MYO6: variants seen among roughly 807,000 people sequenced by gnomAD.
MYO6 encodes the protein unconventional myosin-VI.
Under a neutral mutation model 178.7 loss-of-function variants are expected in MYO6, and 74 were observed. The ratio of observed to expected loss-of-function variants is 0.41; its 90% CI spans 0.34 to 0.50. The LOEUF is 0.50. Among genes scored for constraint, MYO6 ranks in the 20% least tolerant of loss-of-function variants. The probability of loss-of-function intolerance (pLI) is 0.09; values close to 1 mark genes in which losing one functional copy is unlikely to be tolerated. For missense variants in MYO6, 1,330 were observed against 1,547.4 expected (o/e 0.86, Z 2.36); for synonymous variants, 477 against 504.6 (o/e 0.95, Z 0.73).
chr6:75,833,424 A>G (rs1001140086), intron 6 of MYO6, among the ~76,000 whole-genome samples: 6 of 152,204 alleles, frequency 3.9e-5, no homozygotes, highest in South Asian at 2.1e-4. Context: ...CAGAACTTTC[A>G]TCTTGGAAAA....
intron 11 of MYO6, among the ~76,000 whole-genome samples, chr6:75,849,806 G>C (rs1322905506): frequency 6.6e-6 from 1 of 152,126 alleles, no homozygotes; most frequent in Admixed American, 6.5e-5. Context: ...TAGATTTTGA[G>C]GAAAACCGGA....
intron 1 of MYO6, among the ~76,000 whole-genome samples, chr6:75,776,185 A>C (rs1766367552): frequency 6.6e-6 from 1 of 152,166 alleles, no homozygotes; most frequent in Non-Finnish European, 1.5e-5. Flanking sequence ...CCCTGTTAGA[A>C]TAGATGCTCC....
chr6:75,756,945 A>G (rs1374934384), intron 1 of MYO6, among the ~76,000 whole-genome samples: 1 of 137,894 alleles, frequency 7.3e-6, no homozygotes, highest in Non-Finnish European at 1.6e-5. Context: ...TAGTGTGTAT[A>G]TATGTGTATA....
intron 9 of MYO6, among the ~76,000 whole-genome samples, chr6:75,843,636 T>G (rs1312152318): frequency 6.6e-6 from 1 of 152,180 alleles, no homozygotes; most frequent in Non-Finnish European, 1.5e-5. Flanking sequence ...ATTTTGGCTC[T>G]ACATGTTTAA....
At chr6:75,889,168 G>A (rs1778702086) in intron 25 of MYO6, among the ~76,000 whole-genome samples, 1 of 152,062 alleles carries the variant, frequency 6.6e-6, no homozygotes, top group Admixed American at 6.5e-5. Context: ...AAAAAGATCT[G>A]GAGGAAAATG....
At chr6:75,765,334 G>A (rs1035992722) in intron 1 of MYO6, among the ~76,000 whole-genome samples, 9 of 151,196 alleles carry the variant, frequency 6.0e-5, no homozygotes, top group African/African-American at 9.7e-5. Context: ...ACACTACCAC[G>A]CCTGGCTAAT....
At chr6:75,851,434 T>C (rs1562246978) in intron 11 of MYO6, among the ~76,000 whole-genome samples, 2 of 152,126 alleles carry the variant, frequency 1.3e-5, no homozygotes, top group Non-Finnish European at 2.9e-5. Context: ...TAGATCCAAA[T>C]GGTTTCTTTC....
chr6:75,898,509 C>G, intron 30 of MYO6, 98 bp downstream of exon 30: 1 of 957,330 alleles, frequency 1.0e-6, no homozygotes, highest in South Asian at 1.4e-5. Flanking sequence ...ACATGAGTAG[C>G]CTAGTCTTTC....
intron 25 of MYO6, among the ~76,000 whole-genome samples, chr6:75,889,070 G>A (rs940823270): frequency 3.3e-5 from 5 of 151,908 alleles, no homozygotes; most frequent in Non-Finnish European, 7.4e-5. Context: ...CAAGTATGTG[G>A]GATATAATGA....
At chr6:75,770,011 CA>C (rs1277017585) in intron 1 of MYO6, among the ~76,000 whole-genome samples, 3 of 151,986 alleles carry the variant, frequency 2.0e-5, no homozygotes, top group African/African-American at 4.8e-5. Flanking sequence ...GCCCCCTTCT[CA>C]CAGCTCCAGT....
intron 20 of MYO6, among the ~76,000 whole-genome samples, chr6:75,878,773 T>G (rs1452404397): frequency 6.6e-6 from 1 of 152,216 alleles, no homozygotes; most frequent in Non-Finnish European, 1.5e-5. Context: ...TTGAATAATC[T>G]TACTTTCTCC....
chr6:75,809,646 G>T (rs930378226), intron 1 of MYO6, among the ~76,000 whole-genome samples: 1 of 152,070 alleles, frequency 6.6e-6, no homozygotes, highest in Non-Finnish European at 1.5e-5. Context: ...CGAAGTGGGG[G>T]GGTGGTGGAA....
chr6:75,834,790 G>A (rs1773479344), intron 6 of MYO6, among the ~76,000 whole-genome samples: 1 of 152,160 alleles, frequency 6.6e-6, no homozygotes, highest in South Asian at 2.1e-4. Flanking sequence ...ATCAATTGAA[G>A]AGTTTGTTAA....
At chr6:75,757,107 G>A (rs1187334716) in intron 1 of MYO6, among the ~76,000 whole-genome samples, 2 of 144,866 alleles carry the variant, frequency 1.4e-5, no homozygotes, top group Non-Finnish European at 3.0e-5. Flanking sequence ...TATGTATTGT[G>A]TATATATGTG....
chr6:75,860,722 C>G (rs979826915), intron 14 of MYO6, among the ~76,000 whole-genome samples: 1 of 152,178 alleles, frequency 6.6e-6, no homozygotes, highest in African/African-American at 2.4e-5. Flanking sequence ...TATTTGAGGA[C>G]TCAAATTTGA....
At chr6:75,768,417 A>G (rs1029037813) in intron 1 of MYO6, among the ~76,000 whole-genome samples, 15 of 149,838 alleles carry the variant, frequency 1.0e-4, no homozygotes, top group African/African-American at 3.2e-4. Flanking sequence ...GTCTTGCTCT[A>G]TCACCCAGGC....
At chr6:75,820,157 A>G (rs1771723941) in intron 2 of MYO6, among the ~76,000 whole-genome samples, 1 of 152,242 alleles carries the variant, frequency 6.6e-6, no homozygotes, top group East Asian at 1.9e-4. Flanking sequence ...TTTATGGCAT[A>G]GAAGGGTCTG....
At chr6:75,862,784 A>C in intron 16 of MYO6, 61 bp downstream of exon 16, 1 of 1,563,342 alleles carries the variant, frequency 6.4e-7, no homozygotes, top group African/African-American at 1.4e-5. Context: ...AAAAAGGTGC[A>C]TTAGCTATTA....
At chr6:75,855,554 T>G (rs1387722182) in intron 12 of MYO6, among the ~76,000 whole-genome samples, 2 of 152,214 alleles carry the variant, frequency 1.3e-5, no homozygotes, top group African/African-American at 4.8e-5. Context: ...ATGACAGTTT[T>G]AGGCAACAGA....
Sources: allele counts gnomAD v4.1 joint callset (sites outside exome capture counted in the v4.1 genomes callset), GRCh38; gene constraint gnomAD v4.1.1; transcripts MANE v1.5; gene names NCBI Gene and HGNC (gene_info 2026-07-23, HGNC 2026-07-21).